The following PRKAR1B variants were observed in gnomAD, a reference collection of about 807,000 sequenced individuals.
The protein encoded by PRKAR1B is cAMP-dependent protein kinase type I-beta regulatory subunit.
In PRKAR1B, 22 loss-of-function variants were observed where a neutral mutation model predicts 46.5. The ratio of observed to expected loss-of-function variants is 0.47; its 90% CI spans 0.34 to 0.68. The LOEUF is 0.68. PRKAR1B is among the 30% of genes least tolerant of loss of function. The pLI is 0.01. For synonymous variants in PRKAR1B, 259 were observed against 217.7 expected (o/e 1.19, Z -1.67); for missense variants, 445 against 535.6 (o/e 0.83, Z 1.67).
At chr7:718,212 C>T (rs1008900272) in intron 1 of PRKAR1B, among the ~76,000 whole-genome samples, 2 of 151,678 alleles carry the variant, frequency 1.3e-5, no homozygotes, top group Non-Finnish European at 2.9e-5. Flanking sequence ...TCCTGACCCA[C>T]AGACAGCCGG....
chr7:709,516 G>A (rs529727739), intron 2 of PRKAR1B, among the ~76,000 whole-genome samples: 1 of 151,870 alleles, frequency 6.6e-6, no homozygotes, highest in African/African-American at 2.4e-5. Flanking sequence ...GACTACAGGC[G>A]CCTGCCACCT....
chr7:649,604 G>T (rs1299991055), intron 4 of PRKAR1B, among the ~76,000 whole-genome samples: 1 of 151,854 alleles, frequency 6.6e-6, no homozygotes, highest in Non-Finnish European at 1.5e-5. Context: ...TTGAGACAGG[G>T]TCTTGCTCTG....
chr7:621,123 T>A (rs1413620222), intron 4 of PRKAR1B, among the ~76,000 whole-genome samples: 8 of 152,268 alleles, frequency 5.3e-5, no homozygotes, highest in Non-Finnish European at 1.0e-4. Context: ...CATCTCCACC[T>A]GATCACAGTA....
chr7:550,641 G>A (rs1181201620), intron 10 of PRKAR1B, 39 bp from the exon 11 acceptor site: 6 of 1,487,950 alleles, frequency 4.0e-6, no homozygotes, highest in South Asian at 2.7e-5. Flanking sequence ...GGGCCTGGGG[G>A]TCCTGAGGCT....
At chr7:572,735 CAGGTGGAG>C (rs1371684712) in intron 9 of PRKAR1B, among the ~76,000 whole-genome samples, 2 of 152,218 alleles carry the variant, frequency 1.3e-5, no homozygotes, top group Non-Finnish European at 2.9e-5. Context: ...CAGGAGGCCC[CAGGTGGAG>C]GGTAGGCGGG....
At position 557,846 on chromosome 7, in the gene PRKAR1B, T is replaced by C. The variant is rs181178587; in HGVS notation, c.892-6376A>G. 3.1e-4 allele frequency among the ~76,000 whole-genome samples: 47 copies of C among 152,244 alleles called. No individual in the cohort carries two copies. The East Asian group carries it at 8.7e-3, about 28-fold the overall frequency. On this transcript the variant is annotated intron_variant, in intron 9 of 10. Transcript: ENST00000537384. ...TGGAAAAACATGCTTGCCAAAACTC[T>C]AGGTCATACTCCCCAAATTTTCTCA...
chr7:591,748 C>T, intron 7 of PRKAR1B, among the ~76,000 whole-genome samples: 1 of 152,180 alleles, frequency 6.6e-6, no homozygotes. Flanking sequence ...CCTGGAGACG[C>T]ACTGTCAGTG....
chr7:699,424 G>A (rs1052956036), intron 2 of PRKAR1B, among the ~76,000 whole-genome samples: 2 of 152,154 alleles, frequency 1.3e-5, no homozygotes, highest in Non-Finnish European at 2.9e-5. Flanking sequence ...AACAGCCGGG[G>A]TAGGAAGGGC....
chr7:665,439 C>T (rs1009348219), intron 4 of PRKAR1B, among the ~76,000 whole-genome samples: 10 of 152,172 alleles, frequency 6.6e-5, no homozygotes, highest in African/African-American at 2.2e-4. Flanking sequence ...GCCCATGGCC[C>T]AGGGACTGGC....
chr7:675,142 G>A (rs576563142), intron 4 of PRKAR1B, among the ~76,000 whole-genome samples: 4 of 152,190 alleles, frequency 2.6e-5, no homozygotes, highest in South Asian at 2.1e-4. Flanking sequence ...AGCCTCCCAC[G>A]TGACCTTGGC....
chr7:672,957 A>C (rs1786348925), intron 4 of PRKAR1B, among the ~76,000 whole-genome samples: 1 of 150,260 alleles, frequency 6.7e-6, no homozygotes, highest in South Asian at 2.1e-4. Flanking sequence ...AGGTAGGAGA[A>C]TCACTTGAGC....
At chr7:623,145 G>A (rs1174591926) in intron 4 of PRKAR1B, among the ~76,000 whole-genome samples, 2 of 152,182 alleles carry the variant, frequency 1.3e-5, no homozygotes, top group Admixed American at 1.3e-4. Context: ...CTGTTTAGGT[G>A]AAGGCTTGTT....
chr7:614,335 CA>C (rs1445509722), intron 4 of PRKAR1B, among the ~76,000 whole-genome samples: 1 of 152,248 alleles, frequency 6.6e-6, no homozygotes, highest in Non-Finnish European at 1.5e-5. Flanking sequence ...GGTCTTCTGA[CA>C]AAAGGCTGGG....
chr7:669,473 G>A (rs1036055475), intron 4 of PRKAR1B, among the ~76,000 whole-genome samples: 3 of 152,096 alleles, frequency 2.0e-5, no homozygotes, highest in Admixed American at 1.3e-4. Flanking sequence ...CTTAAAAATG[G>A]CTAAAATGGG....
chr7:663,890 C>G (rs1305293764), intron 4 of PRKAR1B, among the ~76,000 whole-genome samples: 1 of 152,176 alleles, frequency 6.6e-6, no homozygotes. Flanking sequence ...CTGCAGGGAG[C>G]AGACAGGTGG....
intron 4 of PRKAR1B, among the ~76,000 whole-genome samples, chr7:652,545 A>G (rs182407825): frequency 5.0e-4 from 76 of 152,286 alleles, no homozygotes; most frequent in African/African-American, 1.8e-3. Flanking sequence ...AAGAAAGTTC[A>G]TACCCACGCA....
At chr7:646,915 G>A (rs1784646738) in intron 4 of PRKAR1B, among the ~76,000 whole-genome samples, 1 of 152,196 alleles carries the variant, frequency 6.6e-6, no homozygotes, top group East Asian at 1.9e-4. Flanking sequence ...GAAGGGCCCT[G>A]GGCTGAGGGC....
intron 1 of PRKAR1B, among the ~76,000 whole-genome samples, chr7:724,333 A>G (rs2128536445): frequency 6.6e-6 from 1 of 152,274 alleles, no homozygotes; most frequent in South Asian, 2.1e-4. Flanking sequence ...GAGGTAACTG[A>G]ATAATGGGGG....
At chr7:578,982 A>C in intron 9 of PRKAR1B, 1 of 1,279,864 alleles carries the variant, frequency 7.8e-7, no homozygotes, top group Non-Finnish European at 1.0e-6. Flanking sequence ...GCGCCCGGCC[A>C]GTTTCATGCA....
Sources: allele counts gnomAD v4.1 joint callset (sites outside exome capture counted in the v4.1 genomes callset), GRCh38; gene constraint gnomAD v4.1.1; transcripts MANE v1.5; gene names NCBI Gene and HGNC (gene_info 2026-07-23, HGNC 2026-07-21).